RNF145: variants seen among roughly 807,000 people sequenced by gnomAD.
RNF145 encodes the protein ring finger protein 145.
RNF145 carries 12 observed loss-of-function variants against 57.3 expected under a neutral mutation model. The ratio of observed to expected loss-of-function variants is 0.21; its 90% CI spans 0.13 to 0.34. The LOEUF (loss-of-function observed/expected upper bound fraction) is 0.34. Ranked by LOEUF, RNF145 falls within the 10% of genes least tolerant of loss-of-function variation. The probability of loss-of-function intolerance (pLI) is 1.00; values close to 1 mark genes in which losing one functional copy is unlikely to be tolerated. For synonymous variants in RNF145, 262 were observed against 288.3 expected (o/e 0.91, Z 0.92); for missense variants, 429 against 799.0 (o/e 0.54, Z 5.58).
rs905392173 is a variant in RNF145, at chr5:159,173,322, G to A, written c.797+661C>T. On this transcript the variant is annotated intron_variant, in intron 6 of 10. Transcript: ENST00000424310. ...AGCCCAAGACAATTCTTCTTCCAAT[G>A]TGGCCCAGGAAAGCCGAAAGATTGA... Among the ~76,000 whole-genome samples the A allele has an allele frequency of 2.0e-5, 3 of 152,032 alleles. No individual in the cohort carries two copies. The South Asian group carries it at 6.2e-4, about 32-fold the overall frequency.
intron 3 of RNF145, among the ~76,000 whole-genome samples, chr5:159,185,465 C>T (rs944031203): frequency 6.6e-6 from 1 of 152,174 alleles, no homozygotes; most frequent in African/African-American, 2.4e-5. Context: ...CTCATGCTGG[C>T]ATTGAGAATT....
chr5:159,176,939 C>A, intron 4 of RNF145, 72 bp from the exon 5 acceptor site: 1 of 837,382 alleles, frequency 1.2e-6, no homozygotes, highest in East Asian at 2.6e-5. Context: ...ACAAAAAACA[C>A]TGTTGATAAG....
chr5:159,183,051 G>T (rs1481724990), intron 3 of RNF145, among the ~76,000 whole-genome samples: 1 of 151,812 alleles, frequency 6.6e-6, no homozygotes, highest in Non-Finnish European at 1.5e-5. Context: ...AGCCGGAAGG[G>T]TATTTGCAAA....
At chr5:159,186,984 A>C (rs1196965772) in intron 3 of RNF145, among the ~76,000 whole-genome samples, 1 of 151,292 alleles carries the variant, frequency 6.6e-6, no homozygotes, top group Non-Finnish European at 1.5e-5. Context: ...CTCCGTCTCA[A>C]AACAAAAACA....
Position 159,158,731 on chromosome 5 carries a change from A to G in RNF145, c.1931T>C (p.Phe644Ser). 3 of 1,613,984 alleles carry G rather than the reference A, an allele frequency of 1.9e-6. No individual in the cohort carries two copies. The highest frequency in any genetic ancestry group is 2.5e-6 in the Non-Finnish European group (3 of 1,179,858). The change falls in exon 11 of 11, where the codon TTT becomes TCT. Residue 644 changes from phenylalanine (F) to serine (S), a missense_variant. Physicochemically the swap from Phe to Ser is radical, Grantham distance 155. This residue lies in a region of RNF145 where 102 missense variants were observed against 106.2 expected (regional missense o/e 0.96). Coordinates refer to ENST00000424310, the MANE Select transcript of RNF145 (RefSeq NM_001199383.2). Reference sequence around the variant, plus strand: ...ACTGTGAGGATATTCTTTGGGGTCAAAAGCCCCTTCCTGGTTATCTGGTCG... The same window carrying G: ...ACTGTGAGGATATTCTTTGGGGTCAGAAGCCCCTTCCTGGTTATCTGGTCG... ...ARRPDNQEGA[F>S]DPKEYPHSAK... is the part of the protein sequence containing the mutation.
chr5:159,178,609 A>G (rs1019615097), intron 4 of RNF145, among the ~76,000 whole-genome samples: 1 of 152,068 alleles, frequency 6.6e-6, no homozygotes, highest in Non-Finnish European at 1.5e-5. Context: ...ATCCATATAC[A>G]TGTTGAATAT....
chr5:159,161,664 A>T, intron 9 of RNF145, 42 bp from the exon 10 acceptor site: 1 of 1,161,348 alleles, frequency 8.6e-7, no homozygotes, highest in Non-Finnish European at 1.2e-6. Context: ...AAATATGATC[A>T]CTAAGATACT....
chr5:159,205,393 G>A (rs61128141), intron 1 of RNF145, among the ~76,000 whole-genome samples: 21,795 of 151,964 alleles, frequency 0.14, 1,698 homozygotes, highest in South Asian at 0.2. Flanking sequence ...AACCACTGAG[G>A]AATCTAAATT....
intron 3 of RNF145, 35 bp from the exon 4 acceptor site, chr5:159,182,086 G>T: frequency 2.8e-5 from 34 of 1,214,758 alleles, no homozygotes; most frequent in Non-Finnish European, 3.8e-5. Context: ...GTATATATTA[G>T]ATACATTCCT....
chr5:159,158,240 G>A lies in RNF145; in HGVS notation c.*430C>T, dbSNP rs1371817276. 5.8e-6 allele frequency: 1 copy of A among 172,600 alleles called. No individual in the cohort carries two copies. Among genetic ancestry groups the A allele is most frequent in the African/African-American group, 2.4e-5 (1 of 42,022 alleles). The allele number at this position is 172,600 out of a possible 1,614,324, so 10.7% of individuals were successfully genotyped here. On this transcript the variant is annotated 3_prime_UTR_variant, in exon 11 of 11. Transcript: ENST00000424310. ...GGTTGCTATTCAGACTTGATAATGA[G>A]ATTGATCTGTCCCATGGAGAGTGAA... is the stretch of plus-strand genomic sequence containing the variant.
chr5:159,159,158 G>T, intron 10 of RNF145, 123 bp from the exon 11 acceptor site: 1 of 852,418 alleles, frequency 1.2e-6, no homozygotes, highest in Non-Finnish European at 1.8e-6. Context: ...ATAGATCTTA[G>T]AATAAAACTT....
chr5:159,208,920 G>T lies in RNF145; in HGVS notation c.-40+311C>A, dbSNP rs564021881. On this transcript the variant is annotated intron_variant, in intron 1 of 10. Transcript: ENST00000424310. ...GGAAGAGGAAGGGATGGGAGGGCGG[G>T]GAGGCAGCCGAGGCCCGGGAGCTGG... Among the ~76,000 whole-genome samples, 427 of 151,644 alleles carry T rather than the reference G, an allele frequency of 2.8e-3. 4 individuals carry two copies. Among genetic ancestry groups the T allele is most frequent in the Non-Finnish European group, 4.1e-3 (275 of 67,832 alleles).
intron 6 of RNF145, 90 bp from the exon 7 acceptor site, chr5:159,169,909 T>G (rs2113112507): frequency 3.9e-6 from 4 of 1,032,032 alleles, no homozygotes; most frequent in South Asian, 2.0e-5. Context: ...CAAGCTTGAT[T>G]TGATACTCAT....
At chr5:159,180,300 A>T (rs972811395) in intron 4 of RNF145, among the ~76,000 whole-genome samples, 1 of 151,906 alleles carries the variant, frequency 6.6e-6, no homozygotes, top group Admixed American at 6.6e-5. Flanking sequence ...CTTGGTATAC[A>T]CCCTCAACTG....
At chr5:159,167,345 C>G (rs1053796935) in intron 8 of RNF145, among the ~76,000 whole-genome samples, 1 of 152,136 alleles carries the variant, frequency 6.6e-6, no homozygotes, top group Non-Finnish European at 1.5e-5. Flanking sequence ...CAAAGTACCC[C>G]GGCCCACATA....
chr5:159,187,575 C>T (rs1226018502), intron 3 of RNF145, among the ~76,000 whole-genome samples: 2 of 152,240 alleles, frequency 1.3e-5, no homozygotes, highest in East Asian at 3.9e-4. Flanking sequence ...GATTCACCCG[C>T]CTCAGCCTCC....
chr5:159,207,077 C>T (rs905068654), intron 1 of RNF145, among the ~76,000 whole-genome samples: 2 of 152,046 alleles, frequency 1.3e-5, no homozygotes, highest in African/African-American at 4.8e-5. Context: ...AGCAGCAATC[C>T]GTAATTATGA....
In RNF145 at chr5:159,181,800, TA is replaced by T. The variant is rs1258781642; in HGVS notation, c.385+159del. Reference sequence around the variant, plus strand: ...ATCTATACATGGGGAAAAGAAGACTTAAAAAAAAAAAACCACCAAACAATGG... The same window carrying T: ...ATCTATACATGGGGAAAAGAAGACTTAAAAAAAAAAACCACCAAACAATGG... On this transcript the variant is annotated intron_variant, in intron 4 of 10. Transcript: ENST00000424310. Among the ~76,000 whole-genome samples the T allele has an allele frequency of 2.9e-3, 416 of 142,666 alleles. 2 individuals are homozygous for T. Among genetic ancestry groups the T allele is most frequent in the African/African-American group, 8.3e-3 (324 of 39,192 alleles). 93.6% of individuals were successfully genotyped at this position (142,666 alleles called of 152,430 possible).
At chr5:159,209,005 A>G (rs1488557836) in intron 1 of RNF145, among the ~76,000 whole-genome samples, 1 of 151,516 alleles carries the variant, frequency 6.6e-6, no homozygotes, top group African/African-American at 2.4e-5. Flanking sequence ...GGAGGCGACC[A>G]CCGCGGGAAG....
Sources: allele counts gnomAD v4.1 joint callset (sites outside exome capture counted in the v4.1 genomes callset), GRCh38; gene constraint gnomAD v4.1.1; regional missense constraint gnomAD v4.1.1; transcripts MANE v1.5; gene names NCBI Gene and HGNC (gene_info 2026-07-23, HGNC 2026-07-21).